The following TEAD1 variants were observed in gnomAD, a reference collection of about 807,000 sequenced individuals.
TEAD1 encodes transcriptional enhancer factor TEF-1.
TEAD1 carries 9 observed loss-of-function variants against 54.9 expected under a neutral mutation model. The observed-to-expected ratio is 0.16, with a 90% CI of 0.10 to 0.29. The LOEUF (loss-of-function observed/expected upper bound fraction) is 0.29, where lower values mean the gene tolerates loss of function less well. Ranked by LOEUF, TEAD1 falls within the 10% of genes least tolerant of loss-of-function variation. The pLI is 1.00. For synonymous variants in TEAD1, 200 were observed against 187.8 expected (o/e 1.07, Z -0.53); for missense variants, 387 against 535.9 (o/e 0.72, Z 2.74).
intron 2 of TEAD1, among the ~76,000 whole-genome samples, chr11:12,720,304 GTT>G (rs1032638861): frequency 3.9e-5 from 6 of 152,076 alleles, no homozygotes; most frequent in African/African-American, 1.4e-4. Flanking sequence ...TACATTAAGT[GTT>G]TTTATGTGGA....
intron 9 of TEAD1, among the ~76,000 whole-genome samples, chr11:12,887,249 A>T (rs1948110576): frequency 6.6e-6 from 1 of 151,158 alleles, no homozygotes; most frequent in African/African-American, 2.4e-5. Flanking sequence ...GGCATCCACC[A>T]CCACGCCCGG....
intron 2 of TEAD1, among the ~76,000 whole-genome samples, chr11:12,761,106 C>T (rs914437460): frequency 1.3e-5 from 2 of 152,118 alleles, no homozygotes; most frequent in South Asian, 4.1e-4. Context: ...CGAATAAAAA[C>T]GTGAGCATTT....
At chr11:12,888,794 G>T (rs1948140153) in intron 9 of TEAD1, among the ~76,000 whole-genome samples, 1 of 152,216 alleles carries the variant, frequency 6.6e-6, no homozygotes, top group African/African-American at 2.4e-5. Flanking sequence ...ACAGCCAGCT[G>T]ACATGGGAAG....
chr11:12,909,932 G>T (rs916545811), intron 10 of TEAD1, among the ~76,000 whole-genome samples: 5 of 152,188 alleles, frequency 3.3e-5, no homozygotes, highest in Non-Finnish European at 5.9e-5. Context: ...GCAAGTACTT[G>T]TACTGGCAGC....
At chr11:12,936,032 A>G (rs1949093917) in intron 12 of TEAD1, among the ~76,000 whole-genome samples, 1 of 152,204 alleles carries the variant, frequency 6.6e-6, no homozygotes, top group Non-Finnish European at 1.5e-5. Context: ...TTAGAGGGAA[A>G]TTAGGCCTAT....
intron 2 of TEAD1, among the ~76,000 whole-genome samples, chr11:12,689,022 TTTG>T (rs1554920229): frequency 3.9e-5 from 6 of 152,182 alleles, no homozygotes; most frequent in Admixed American, 1.3e-4. Context: ...TGTTTTTTTT[TTTG>T]TTGTTGTTTA....
intron 3 of TEAD1, among the ~76,000 whole-genome samples, chr11:12,768,997 G>A (rs140915517): frequency 9.2e-5 from 14 of 152,246 alleles, no homozygotes; most frequent in Admixed American, 5.2e-4. Flanking sequence ...GCCTGGCCTC[G>A]GTAGTGGCCA....
intron 10 of TEAD1, among the ~76,000 whole-genome samples, chr11:12,924,159 C>G (rs1171635819): frequency 1.3e-5 from 2 of 152,168 alleles, no homozygotes; most frequent in Non-Finnish European, 1.5e-5. Flanking sequence ...TGCAGCACTC[C>G]AGGCCTTGGC....
chr11:12,785,288 G>T (rs374995745), intron 3 of TEAD1, among the ~76,000 whole-genome samples: 8 of 152,182 alleles, frequency 5.3e-5, no homozygotes, highest in African/African-American at 1.9e-4. Context: ...TCAGTTTTCA[G>T]ATTGGAAGCT....
intron 6 of TEAD1, 132 bp downstream of exon 6, chr11:12,879,974 C>A: frequency 7.4e-7 from 1 of 1,346,830 alleles, no homozygotes; most frequent in Non-Finnish European, 1.0e-6. Flanking sequence ...ACCTTGTCAA[C>A]TGATAACTGA....
At chr11:12,834,779 C>A (rs369870269) in intron 3 of TEAD1, among the ~76,000 whole-genome samples, 2 of 110,264 alleles carry the variant, frequency 1.8e-5, no homozygotes, top group Non-Finnish European at 3.9e-5. Flanking sequence ...TTTTTTTTTT[C>A]TTAATTTTAA....
chr11:12,758,931 C>A (rs140507151), intron 2 of TEAD1, among the ~76,000 whole-genome samples: 2 of 152,188 alleles, frequency 1.3e-5, no homozygotes, highest in African/African-American at 4.8e-5. Context: ...CATACTGGAG[C>A]TACAGGTGCT....
At chr11:12,718,594 G>A (rs1217267488) in intron 2 of TEAD1, among the ~76,000 whole-genome samples, 2 of 151,414 alleles carry the variant, frequency 1.3e-5, no homozygotes, top group South Asian at 2.1e-4. Flanking sequence ...TTTTTTTTTG[G>A]GTGAAATTAT....
At chr11:12,890,007 C>T (rs1185241351) in intron 9 of TEAD1, among the ~76,000 whole-genome samples, 2 of 152,176 alleles carry the variant, frequency 1.3e-5, no homozygotes, top group Non-Finnish European at 2.9e-5. Flanking sequence ...CAGGTGTGAG[C>T]CACCGTGCCC....
At chr11:12,821,090 G>A (rs1946535458) in intron 3 of TEAD1, among the ~76,000 whole-genome samples, 1 of 152,152 alleles carries the variant, frequency 6.6e-6, no homozygotes, top group Non-Finnish European at 1.5e-5. Flanking sequence ...TGCTGTCCAG[G>A]CCTTCAAGAA....
Position 12,756,206 on chromosome 11 carries a change from A to G in TEAD1, c.-54-7973A>G, listed in dbSNP as rs111816373. The stretch of plus-strand genomic sequence containing the variant: ...CACGGAAGTGATTTTTGAAAACGAG[A>G]AGGAGTAATTATCCACTCCTCCCTG... On this transcript the variant is annotated intron_variant, in intron 2 of 12. Coordinates refer to ENST00000527636, the MANE Select transcript of TEAD1 (RefSeq NM_021961.6). Among the ~76,000 whole-genome samples, 414 of 152,198 alleles carry G rather than the reference A, an allele frequency of 2.7e-3. 3 individuals carry two copies. The highest frequency in any genetic ancestry group is 9.0e-3 in the African/African-American group (375 of 41,500).
At chr11:12,746,303 T>A (rs1433696396) in intron 2 of TEAD1, among the ~76,000 whole-genome samples, 1 of 152,196 alleles carries the variant, frequency 6.6e-6, no homozygotes, top group Non-Finnish European at 1.5e-5. Context: ...ATAAACCTAA[T>A]TAGCTTCGAC....
chr11:12,855,791 A>AT (rs57100867), intron 3 of TEAD1, among the ~76,000 whole-genome samples: 1 of 151,750 alleles, frequency 6.6e-6, no homozygotes, highest in Non-Finnish European at 1.5e-5. Context: ...CAAAAAAAAA[A>AT]TTTAAGAATT....
intron 3 of TEAD1, among the ~76,000 whole-genome samples, chr11:12,854,457 T>C (rs761468384): frequency 8.5e-5 from 13 of 152,216 alleles, no homozygotes; most frequent in Non-Finnish European, 1.8e-4. Context: ...TGGAACACAG[T>C]AGCTGTGCTG....
Sources: allele counts gnomAD v4.1 joint callset (sites outside exome capture counted in the v4.1 genomes callset), GRCh38; gene constraint gnomAD v4.1.1; transcripts MANE v1.5; gene names NCBI Gene and HGNC (gene_info 2026-07-23, HGNC 2026-07-21).